ZC3H12C: variants seen among roughly 807,000 people sequenced by gnomAD.
ZC3H12C encodes the protein probable ribonuclease ZC3H12C.
In ZC3H12C, 20 loss-of-function variants were observed where a neutral mutation model predicts 76.3. That is an observed-to-expected ratio of 0.26 (90% CI 0.18 to 0.38). The LOEUF is 0.38. Ranked by LOEUF, ZC3H12C falls within the 10% of genes least tolerant of loss-of-function variation. The pLI is 1.00. For synonymous variants in ZC3H12C, 352 were observed against 399.6 expected (o/e 0.88, Z 1.42); for missense variants, 874 against 1,086.5 (o/e 0.80, Z 2.75).
intron 1 of ZC3H12C, among the ~76,000 whole-genome samples, chr11:110,105,638 T>C (rs1861308675): frequency 6.6e-6 from 1 of 152,182 alleles, no homozygotes; most frequent in African/African-American, 2.4e-5. Flanking sequence ...TTAAAATTTA[T>C]AATTCTTTTT....
At chr11:110,133,633 TA>T (rs1270376821) in intron 1 of ZC3H12C, among the ~76,000 whole-genome samples, 16 of 152,188 alleles carry the variant, frequency 1.1e-4, no homozygotes, top group African/African-American at 3.9e-4. Context: ...ATTATCACTT[TA>T]AAAATATGTG....
Position 110,165,190 on chromosome 11 carries a change from C to G in ZC3H12C, c.2105C>G (p.Pro702Arg), listed in dbSNP as rs756268001. 1.2e-6 allele frequency: 2 copies of G among 1,613,932 alleles called. No individual in the cohort carries two copies. The highest frequency in any genetic ancestry group is 1.7e-6 in the Non-Finnish European group (2 of 1,179,912). The change falls in exon 6 of 6, where the codon CCT (proline) becomes CGT (arginine). Residue 702 changes from proline (P) to arginine (R), a missense_variant. This residue lies in a region of ZC3H12C where 395 missense variants were observed against 434.4 expected (regional missense o/e 0.91). Transcript: ENST00000278590. ...GAACCAAAGTTCCATCACAAGCCTC[C>G]TCTTCCGCACCTGGCTCTGCACCTG... is the stretch of plus-strand genomic sequence containing the variant. ...HEEPKFHHKP[P>R]LPHLALHLPH...
At chr11:110,161,288 A>T (rs1862477285) in intron 4 of ZC3H12C, among the ~76,000 whole-genome samples, 1 of 152,206 alleles carries the variant, frequency 6.6e-6, no homozygotes, top group Non-Finnish European at 1.5e-5. Flanking sequence ...CTATTACGTT[A>T]CCAGCAACTT....
In ZC3H12C at chr11:110,106,185, G is replaced by A. The variant is rs1006789694; in HGVS notation, c.21+12753G>A. On this transcript the variant is annotated intron_variant, in intron 1 of 5. Transcript: ENST00000278590. Reference sequence around the variant, plus strand: ...CGGGAGGCTGAGGCAGGAGAATGGCGTGAACCCGGGAGGCGGAGCTTGCAG... The same window carrying A: ...CGGGAGGCTGAGGCAGGAGAATGGCATGAACCCGGGAGGCGGAGCTTGCAG... Among the ~76,000 whole-genome samples, 5 of 70,156 alleles carry A rather than the reference G, an allele frequency of 7.1e-5. 2 individuals carry two copies. The highest frequency in any genetic ancestry group is 1.6e-4 in the Admixed American group (1 of 6,318). 46.0% of individuals were successfully genotyped at this position (70,156 alleles called of 152,430 possible).
intron 1 of ZC3H12C, chr11:110,131,502 T>G (rs1354744830): frequency 5.0e-5 from 10 of 199,086 alleles, no homozygotes; most frequent in Non-Finnish European, 1.0e-4. Flanking sequence ...TGATAAGATT[T>G]GATAGAGCTT....
Position 110,146,269 on chromosome 11 carries a change from T to C in ZC3H12C, c.774-6650T>C, listed in dbSNP as rs568853689. 2.0e-4 allele frequency among the ~76,000 whole-genome samples: 31 copies of C among 152,288 alleles called. 1 individual carries two copies. The highest frequency in any genetic ancestry group is 6.0e-4 in the African/African-American group (25 of 41,562). On this transcript the variant is annotated intron_variant, in intron 2 of 5. Coordinates refer to ENST00000278590, the MANE Select transcript of ZC3H12C (RefSeq NM_033390.2). ...TCCCAAGGTGCTAGAATTACAGGCATGAGCCGTCGCGCCCGGCCCCGTAAC... is the reference window on the plus strand; with the variant it reads ...TCCCAAGGTGCTAGAATTACAGGCACGAGCCGTCGCGCCCGGCCCCGTAAC...
chr11:110,145,877 CAA>C lies in ZC3H12C; in HGVS notation c.774-7041_774-7040del, dbSNP rs377213630. On this transcript the variant is annotated intron_variant, in intron 2 of 5. Coordinates refer to ENST00000278590, the MANE Select transcript of ZC3H12C (RefSeq NM_033390.2). Reference sequence around the variant, plus strand: ...ACAACAAATTAACAGCAGTAAGAAACAAGAGAGAGGCATGTTCTTCGAACACA... The same window carrying C: ...ACAACAAATTAACAGCAGTAAGAAACGAGAGAGGCATGTTCTTCGAACACA... 8.9e-4 allele frequency among the ~76,000 whole-genome samples: 135 copies of C among 152,288 alleles called. 1 individual carries two copies. The highest frequency in any genetic ancestry group is 3.0e-3 in the African/African-American group (123 of 41,540).
chr11:110,147,098 G>A (rs1213936028), intron 2 of ZC3H12C, among the ~76,000 whole-genome samples: 1 of 152,096 alleles, frequency 6.6e-6, no homozygotes, highest in African/African-American at 2.4e-5. Context: ...CTTACAAGAG[G>A]GGTTATCATT....
rs564780227 is a variant in ZC3H12C, at chr11:110,157,178, C to CAAA, written c.914-2065_914-2063dup. On this transcript the variant is annotated intron_variant, in intron 3 of 5. Coordinates refer to ENST00000278590, the MANE Select transcript of ZC3H12C (RefSeq NM_033390.2). ...TGGGTGACGGAGCAAGACTCCGTCTCAAAAAAAAAAAAAAACAGAGAGATC... is the reference window on the plus strand; with the variant it reads ...TGGGTGACGGAGCAAGACTCCGTCTCAAAAAAAAAAAAAAAAAACAGAGAGATC... 5.9e-5 allele frequency among the ~76,000 whole-genome samples: 6 copies of CAAA among 101,344 alleles called. 1 individual carries two copies. The highest frequency in any genetic ancestry group is 1.1e-4 in the Non-Finnish European group (5 of 46,694). 66.5% of individuals were successfully genotyped at this position (101,344 alleles called of 152,430 possible).
intron 1 of ZC3H12C, among the ~76,000 whole-genome samples, chr11:110,112,086 TTATAA>T (rs1179462118): frequency 2.0e-5 from 3 of 152,258 alleles, no homozygotes; most frequent in Non-Finnish European, 4.4e-5. Flanking sequence ...ACTGCTGTCC[TTATAA>T]TATCCATTGT....
chr11:110,139,892 T>C (rs2134179980), intron 2 of ZC3H12C, among the ~76,000 whole-genome samples: 1 of 139,040 alleles, frequency 7.2e-6, no homozygotes, highest in Non-Finnish European at 1.5e-5. Context: ...TTTTTGAGAC[T>C]GAGTCTCGCT....
intron 1 of ZC3H12C, among the ~76,000 whole-genome samples, chr11:110,114,937 G>A (rs915677860): frequency 4.6e-5 from 7 of 152,122 alleles, no homozygotes; most frequent in Non-Finnish European, 8.8e-5. Context: ...GACTTTAGGG[G>A]AATTCTGTGG....
At chr11:110,140,024 G>A (rs115697559) in intron 2 of ZC3H12C, among the ~76,000 whole-genome samples, 12 of 152,042 alleles carry the variant, frequency 7.9e-5, no homozygotes, top group East Asian at 1.9e-4. Context: ...AATTAAGGCC[G>A]GGCACAGTGG....
At position 110,164,847 on chromosome 11, in the gene ZC3H12C, G is replaced by A. The variant is rs768457807; in HGVS notation, c.1762G>A (p.Gly588Arg). Residue 588 changes from glycine to arginine, a missense_variant, in exon 6 of 6, where the codon GGA becomes AGA. This residue lies in a region of ZC3H12C where 395 missense variants were observed against 434.4 expected (regional missense o/e 0.91). Transcript: ENST00000278590. This position sits in a 1 kb window ranked among gnomAD's most constrained non-coding sequence, Gnocchi z 5.7. ...YPKCDSPVDIGYYSMLNAYSN... is the reference protein window; with the variant it reads ...YPKCDSPVDIRYYSMLNAYSN... ...AAAATGTGACTCACCTGTCGACATCGGATATTATTCCATGTTGAATGCATA... is the reference window on the plus strand; with the variant it reads ...AAAATGTGACTCACCTGTCGACATCAGATATTATTCCATGTTGAATGCATA... 8.7e-6 allele frequency: 14 copies of A among 1,613,800 alleles called. No individual in the cohort carries two copies. In the Admixed American group the frequency reaches 1.3e-4, roughly 15 times the overall value.
At chr11:110,095,360 TCA>T (rs1346832869) in intron 1 of ZC3H12C, among the ~76,000 whole-genome samples, 3 of 152,238 alleles carry the variant, frequency 2.0e-5, no homozygotes, top group Admixed American at 1.3e-4. Flanking sequence ...TTAATTACTA[TCA>T]CAGACGTAAA....
intron 1 of ZC3H12C, among the ~76,000 whole-genome samples, chr11:110,124,449 G>T (rs1426960743): frequency 6.6e-6 from 1 of 152,134 alleles, no homozygotes. Context: ...ATGGGAGAAT[G>T]AATGGTTCTG....
At chr11:110,117,840 T>G (rs1008781188) in intron 1 of ZC3H12C, among the ~76,000 whole-genome samples, 4 of 132,176 alleles carry the variant, frequency 3.0e-5, no homozygotes, top group African/African-American at 1.2e-4. Context: ...ATAATATATA[T>G]ATACACACAC....
rs1415091011 is a variant in ZC3H12C, at chr11:110,163,161, A to C, written c.1149-112A>C. The C allele has an allele frequency of 1.6e-5, 13 of 825,496 alleles. No homozygotes were observed. The Admixed American group carries it at 3.4e-4, about 21-fold the overall frequency. 51.1% of individuals were successfully genotyped at this position (825,496 alleles called of 1,614,324 possible). A position where few individuals can be genotyped will look rare whatever the true frequency, so the allele number is the denominator to read the frequency against. On this transcript the variant is annotated intron_variant, in intron 4 of 5. Coordinates refer to ENST00000278590, the MANE Select transcript of ZC3H12C (RefSeq NM_033390.2). ...GTAAACGTGGAATCAAAACACTTGG[A>C]TTAAAATTGCAAAAAAAATTCCTTA...
Position 110,096,750 on chromosome 11 carries a change from G to A in ZC3H12C, c.21+3318G>A, listed in dbSNP as rs551164493. Among the ~76,000 whole-genome samples the A allele has an allele frequency of 1.3e-4, 20 of 152,326 alleles. No homozygotes were observed. The South Asian group carries it at 3.9e-3, about 30-fold the overall frequency. The stretch of plus-strand genomic sequence containing the variant: ...GTGATGCATAGTGAGTATGTAAGAC[G>A]AGAAGCCTTTCCTCTGCATAGTACG... On this transcript the variant is annotated intron_variant, in intron 1 of 5. Transcript: ENST00000278590.
Sources: allele counts gnomAD v4.1 joint callset (sites outside exome capture counted in the v4.1 genomes callset), GRCh38; gene constraint gnomAD v4.1.1; regional missense constraint gnomAD v4.1.1; non-coding constraint Gnocchi (gnomAD v3.1); transcripts MANE v1.5; gene names NCBI Gene and HGNC (gene_info 2026-07-23, HGNC 2026-07-21).